The following VSTM4 variants were observed in gnomAD, a reference collection of about 807,000 sequenced individuals.
VSTM4 encodes V-set and transmembrane domain containing 4.
A neutral mutation model predicts 36.4 loss-of-function variants in VSTM4; 20 were observed. That is an observed-to-expected ratio of 0.55 (90% CI 0.39 to 0.80). The LOEUF (loss-of-function observed/expected upper bound fraction) is 0.80. Among genes scored for constraint, VSTM4 ranks in the 30% least tolerant of loss-of-function variants. VSTM4 has a pLI of 0.00. For missense variants in VSTM4, 392 were observed against 404.5 expected (o/e 0.97, Z 0.26); for synonymous variants, 182 against 173.9 (o/e 1.05, Z -0.37).
chr10:49,017,523 T>C lies in VSTM4; in HGVS notation c.*2127A>G, dbSNP rs1341265116. The C allele has an allele frequency of 6.6e-6, 1 of 152,266 alleles. No individual in the cohort carries two copies. Among genetic ancestry groups the C allele is most frequent in the Non-Finnish European group, 1.5e-5 (1 of 68,058 alleles). 9.4% of individuals were successfully genotyped at this position (152,266 alleles called of 1,614,324 possible). ...ACTCTAACTGGGAGCTACTAGCTCT[T>C]AAGAGCATGTGTTCTTGGTAGAATG... On this transcript the variant is annotated 3_prime_UTR_variant, in exon 8 of 8. Coordinates refer to ENST00000332853, the MANE Select transcript of VSTM4 (RefSeq NM_001031746.5).
chr10:49,046,546 G>C (rs1231632666), intron 7 of VSTM4, among the ~76,000 whole-genome samples: 3 of 152,222 alleles, frequency 2.0e-5, no homozygotes, highest in Non-Finnish European at 4.4e-5. Context: ...AACACTAAGA[G>C]AAGGTGGATG....
At chr10:49,092,771 C>G (rs995863063) in intron 2 of VSTM4, among the ~76,000 whole-genome samples, 1 of 152,132 alleles carries the variant, frequency 6.6e-6, no homozygotes. Context: ...CAGAGACAGA[C>G]GCAGTCAGAC....
chr10:49,085,072 G>C (rs1844346337), intron 3 of VSTM4, among the ~76,000 whole-genome samples: 1 of 152,264 alleles, frequency 6.6e-6, no homozygotes. Flanking sequence ...GCCCAAACCT[G>C]AATGTGCATC....
chr10:49,095,671 T>C (rs1445851010), intron 2 of VSTM4, among the ~76,000 whole-genome samples: 1 of 152,104 alleles, frequency 6.6e-6, no homozygotes, highest in Non-Finnish European at 1.5e-5. Context: ...CATGTGACCT[T>C]CTCCCATGGT....
rs950602936 is a variant in VSTM4, at chr10:49,018,061, G to C, written c.*1589C>G. 4.6e-5 allele frequency: 7 copies of C among 152,212 alleles called. No individual in the cohort carries two copies. Among genetic ancestry groups the C allele is most frequent in the Non-Finnish European group, 7.3e-5 (5 of 68,046 alleles). The allele number at this position is 152,212 out of a possible 1,614,324, so 9.4% of individuals were successfully genotyped here. ...CCACTTTGTAAAGGCAGACCAGTTT[G>C]CTCCCAGAAAATCAATATCTGCTTC... is the stretch of plus-strand genomic sequence containing the variant. On this transcript the variant is annotated 3_prime_UTR_variant, in exon 8 of 8. Coordinates refer to ENST00000332853, the MANE Select transcript of VSTM4 (RefSeq NM_001031746.5).
At position 49,107,638 on chromosome 10, in the gene VSTM4, T is replaced by C; in HGVS notation, c.413A>G (p.Lys138Arg). Reference protein sequence around the residue: ...RVQEISRHRNKWTAWSNGSSA... With the variant: ...RVQEISRHRNRWTAWSNGSSA... The stretch of plus-strand genomic sequence containing the variant: ...GGAGCCATTGGACCAGGCCGTCCAC[T>C]TGTTCCTGTGCCTGCTGATTTCCTG... The change falls in exon 2 of 8, where the codon AAG becomes AGG. Residue 138 changes from lysine (K) to arginine (R), a missense_variant. Coordinates refer to ENST00000332853, the MANE Select transcript of VSTM4 (RefSeq NM_001031746.5). The C allele has an allele frequency of 6.2e-7, 1 of 1,613,734 alleles. No individual in the cohort carries two copies.
At chr10:49,044,812 C>T (rs190796856) in intron 7 of VSTM4, among the ~76,000 whole-genome samples, 38 of 152,272 alleles carry the variant, frequency 2.5e-4, no homozygotes, top group South Asian at 2.1e-4. Flanking sequence ...ATGCTACCTT[C>T]GGGAAGCTTT....
chr10:49,050,130 G>A (rs1421368055), intron 5 of VSTM4, among the ~76,000 whole-genome samples: 3 of 152,202 alleles, frequency 2.0e-5, no homozygotes, highest in Non-Finnish European at 4.4e-5. Context: ...AAGAAGCTAC[G>A]TGTGTCCTGA....
At chr10:49,034,154 T>C (rs1386282839) in intron 7 of VSTM4, among the ~76,000 whole-genome samples, 1 of 151,870 alleles carries the variant, frequency 6.6e-6, no homozygotes, top group East Asian at 1.9e-4. Flanking sequence ...ATCATCACCA[T>C]TACCATCACC....
At chr10:49,033,721 C>A (rs1178988780) in intron 7 of VSTM4, among the ~76,000 whole-genome samples, 2 of 152,276 alleles carry the variant, frequency 1.3e-5, no homozygotes, top group South Asian at 2.1e-4. Flanking sequence ...TAGTGGGAGA[C>A]TTTGTATTAG....
chr10:49,113,225 C>G (rs1010273268), intron 1 of VSTM4, among the ~76,000 whole-genome samples: 3 of 152,222 alleles, frequency 2.0e-5, no homozygotes, highest in African/African-American at 7.2e-5. Flanking sequence ...TGAATTCATA[C>G]AGCTAAATCT....
chr10:49,064,364 G>A (rs1843933847), intron 5 of VSTM4: 3 of 303,240 alleles, frequency 9.9e-6, no homozygotes, highest in Admixed American at 5.1e-5. Context: ...GAAGAGAATT[G>A]GGGGTGTTTG....
intron 5 of VSTM4, among the ~76,000 whole-genome samples, chr10:49,060,981 A>G (rs1206504992): frequency 1.3e-5 from 2 of 152,170 alleles, no homozygotes; most frequent in African/African-American, 4.8e-5. Flanking sequence ...CATAAATATA[A>G]GGATTTATTT....
At chr10:49,090,947 A>C (rs1158894437) in intron 2 of VSTM4, among the ~76,000 whole-genome samples, 3 of 143,610 alleles carry the variant, frequency 2.1e-5, no homozygotes, top group Non-Finnish European at 4.6e-5. Flanking sequence ...CAGTGCAAGG[A>C]CCCTGACCTC....
At chr10:49,108,181 C>T (rs1289391108) in intron 1 of VSTM4, among the ~76,000 whole-genome samples, 186 bp from the exon 2 acceptor site, 1 of 152,158 alleles carries the variant, frequency 6.6e-6, no homozygotes, top group Non-Finnish European at 1.5e-5. Context: ...CCTCTGTGGG[C>T]CCCCACTGTC....
intron 7 of VSTM4, among the ~76,000 whole-genome samples, chr10:49,027,587 C>G (rs1417751932): frequency 6.6e-6 from 1 of 152,204 alleles, no homozygotes; most frequent in African/African-American, 2.4e-5. Context: ...CTGCATGCCA[C>G]CCCTCTGCAG....
intron 2 of VSTM4, among the ~76,000 whole-genome samples, chr10:49,095,110 C>T (rs762992025): frequency 2.0e-5 from 3 of 152,082 alleles, no homozygotes; most frequent in Non-Finnish European, 4.4e-5. Flanking sequence ...GCAAGGCGGT[C>T]GGAAAAGAAG....
chr10:49,059,046 A>G (rs954439142), intron 5 of VSTM4, among the ~76,000 whole-genome samples: 20 of 152,336 alleles, frequency 1.3e-4, no homozygotes, highest in African/African-American at 3.6e-4. Context: ...GCAGAGCACA[A>G]TTCAGGCCAA....
intron 2 of VSTM4, among the ~76,000 whole-genome samples, chr10:49,096,826 T>C (rs1352440862): frequency 6.6e-6 from 1 of 152,084 alleles, no homozygotes; most frequent in East Asian, 1.9e-4. Flanking sequence ...GGCTAATTTT[T>C]ATATTTTTAG....
Sources: allele counts gnomAD v4.1 joint callset (sites outside exome capture counted in the v4.1 genomes callset), GRCh38; gene constraint gnomAD v4.1.1; transcripts MANE v1.5; gene names NCBI Gene and HGNC (gene_info 2026-07-23, HGNC 2026-07-21).